Variants in TMX3 observed in about 807,000 individuals in gnomAD.
The protein encoded by TMX3 is protein disulfide-isomerase TMX3.
A neutral mutation model predicts 64.4 loss-of-function variants in TMX3; 40 were observed. The observed-to-expected ratio is 0.62, with a 90% CI of 0.48 to 0.81. The LOEUF is 0.81. Ranked by LOEUF, TMX3 falls within the 30% of genes least tolerant of loss-of-function variation. The pLI is 0.00. For synonymous variants in TMX3, 189 were observed against 175.7 expected, an observed-to-expected ratio of 1.08 and a Z score of -0.60; for missense variants, 497 against 534.5, an observed-to-expected ratio of 0.93 and a Z score of 0.69.
chr18:68,703,757 C>A (rs1388455093), intron 4 of TMX3, among the ~76,000 whole-genome samples: 1 of 152,058 alleles, frequency 6.6e-6, no homozygotes, highest in East Asian at 1.9e-4. Flanking sequence ...GGTGAAACCC[C>A]GTCTCTACTA....
chr18:68,689,562 A>C (rs1914313522), intron 9 of TMX3: 1 of 152,160 alleles, frequency 6.6e-6, no homozygotes, highest in Non-Finnish European at 1.5e-5. Context: ...TGGTAAGAAT[A>C]GTGATTTTAA....
In TMX3 at chr18:68,691,309, T is replaced by A. The variant is rs542053487; in HGVS notation, c.623A>T (p.Tyr208Phe). 5 of 1,585,154 alleles carry A rather than the reference T, an allele frequency of 3.2e-6. No homozygotes were observed. The South Asian group carries it at 4.6e-5, about 15-fold the overall frequency. The change falls in exon 9 of 16, where the codon TAC (tyrosine) becomes TTC (phenylalanine). Residue 208 changes from tyrosine (Y) to phenylalanine (F), a missense_variant. Physicochemically the swap from Tyr to Phe is conservative, Grantham distance 22 (BLOSUM62 3). Coordinates refer to ENST00000299608, the MANE Select transcript of TMX3 (RefSeq NM_019022.5). ...TTGGAACTTACCATCATAAACAAAG[T>A]AAGTTTCATCTTTGAAAACAAGCAC... Reference protein sequence around the residue: ...PAVLVFKDETYFVYDEYEDGD... With the variant: ...PAVLVFKDETFFVYDEYEDGD...
At chr18:68,689,866 G>C (rs377209345) in intron 9 of TMX3, 43 of 152,028 alleles carry the variant, frequency 2.8e-4, no homozygotes, top group African/African-American at 9.9e-4. Flanking sequence ...TGTAATCCTG[G>C]GGTATTAATC....
intron 13 of TMX3, among the ~76,000 whole-genome samples, chr18:68,682,058 G>A (rs532754422): frequency 3.1e-4 from 47 of 152,296 alleles, no homozygotes; most frequent in African/African-American, 1.1e-3. Context: ...TGCAGGTGGC[G>A]GGGTGGGGAA....
At chr18:68,684,278 T>C (rs1167688480) in intron 11 of TMX3, 35 bp from the exon 12 acceptor site, 2 of 1,572,368 alleles carry the variant, frequency 1.3e-6, no homozygotes, top group Admixed American at 1.8e-5. Flanking sequence ...AGTTCATCTC[T>C]GCACTTGAAA....
chr18:68,710,257 A>C (rs1425880269), intron 3 of TMX3, 113 bp from the exon 4 acceptor site: 1 of 987,656 alleles, frequency 1.0e-6, no homozygotes, highest in Non-Finnish European at 1.4e-6. Flanking sequence ...TGATCTAATA[A>C]TGTTTTAGAC....
At chr18:68,689,344 A>AT (rs1409459557) in intron 9 of TMX3, among the ~76,000 whole-genome samples, 3 of 151,804 alleles carry the variant, frequency 2.0e-5, no homozygotes, top group African/African-American at 7.3e-5. Flanking sequence ...CAAAAACCTG[A>AT]TATCTGTTTA....
At chr18:68,703,878 T>G (rs2030384017) in intron 4 of TMX3, among the ~76,000 whole-genome samples, 1 of 152,066 alleles carries the variant, frequency 6.6e-6, no homozygotes, top group East Asian at 1.9e-4. Flanking sequence ...TACAGTGAGC[T>G]GAGATGGAGC....
chr18:68,682,822 A>T (rs1913566186), intron 13 of TMX3, 103 bp downstream of exon 13: 2 of 912,794 alleles, frequency 2.2e-6, no homozygotes, highest in Admixed American at 2.4e-5. Flanking sequence ...GAATATGTCA[A>T]CTGTTTGCTA....
At chr18:68,692,512 G>A (rs945225062) in intron 8 of TMX3, among the ~76,000 whole-genome samples, 2 of 151,878 alleles carry the variant, frequency 1.3e-5, no homozygotes, top group African/African-American at 2.4e-5. Context: ...CATCTCCTGG[G>A]GTTTTCATAA....
At chr18:68,713,278 A>G (rs2031471940) in intron 2 of TMX3, among the ~76,000 whole-genome samples, 1 of 152,216 alleles carries the variant, frequency 6.6e-6, no homozygotes, top group Admixed American at 6.5e-5. Context: ...GCTGCTAAAC[A>G]GAGACCACTG....
Position 68,673,929 on chromosome 18 carries a change from T to A in TMX3, c.*3004A>T, listed in dbSNP as rs943802086. ...AATTGATAGTCTTAATATCCTACAC[T>A]GGTTTATTTGATCATTTAATGCATA... On this transcript the variant is annotated 3_prime_UTR_variant, in exon 16 of 16. Transcript: ENST00000299608. The A allele has an allele frequency of 6.6e-6, 1 of 152,188 alleles. No individual in the cohort carries two copies. Among genetic ancestry groups the A allele is most frequent in the African/African-American group, 2.4e-5 (1 of 41,452 alleles). The allele number at this position is 152,188 out of a possible 1,614,324, so 9.4% of individuals were successfully genotyped here.
At chr18:68,691,991 A>C (rs893908351) in intron 8 of TMX3, among the ~76,000 whole-genome samples, 1 of 152,226 alleles carries the variant, frequency 6.6e-6, no homozygotes, top group Non-Finnish European at 1.5e-5. Context: ...AAATAATGAC[A>C]AATAAGTAAA....
intron 8 of TMX3, among the ~76,000 whole-genome samples, chr18:68,692,301 G>A (rs1877709588): frequency 1.3e-5 from 2 of 152,064 alleles, no homozygotes; most frequent in Admixed American, 1.3e-4. Flanking sequence ...TCCCTGAATA[G>A]TTCTTACTAG....
At chr18:68,700,562 T>C in intron 5 of TMX3, 77 bp from the exon 6 acceptor site, 1 of 1,141,596 alleles carries the variant, frequency 8.8e-7, no homozygotes, top group Non-Finnish European at 1.2e-6. Flanking sequence ...TATCTATTGT[T>C]TCATAAAATT....
intron 8 of TMX3, among the ~76,000 whole-genome samples, chr18:68,694,076 T>G (rs1360053547): frequency 6.6e-6 from 1 of 152,134 alleles, no homozygotes; most frequent in East Asian, 1.9e-4. Flanking sequence ...CCTCCAGTTG[T>G]CCATGTACCT....
intron 6 of TMX3, among the ~76,000 whole-genome samples, chr18:68,698,877 C>CCGGGCGTGGTAG (rs1555688719): frequency 1.3e-4 from 4 of 31,596 alleles, no homozygotes; most frequent in Admixed American, 4.5e-4. Context: ...AAAAAATTAG[C>CCGGGCGTGGTAG]CGGGCGTGGT....
chr18:68,684,233 T>C lies in TMX3; in HGVS notation c.805A>G (p.Ile269Val), dbSNP rs769725162. 1.9e-5 allele frequency: 31 copies of C among 1,611,786 alleles called. No homozygotes were observed. The Admixed American group carries it at 3.5e-4, about 18-fold the overall frequency. Residue 269 changes from isoleucine (I) to valine (V), a missense_variant, in exon 12 of 16, where the codon ATT becomes GTT. Transcript: ENST00000299608. ...TAATCTCTTGCAACTTCCTGAATAA[T>C]TGACTTCAATCTGTAGAAGAACAAA... is the stretch of plus-strand genomic sequence containing the variant. ...TSVEHTRLKS[I>V]IQEVARDYRD...
chr18:68,697,348 G>A, intron 7 of TMX3, 45 bp from the exon 8 acceptor site: 1 of 1,169,142 alleles, frequency 8.6e-7, no homozygotes, highest in Non-Finnish European at 1.2e-6. Flanking sequence ...AAATATTAAA[G>A]GCCAAAATTC....
Sources: gnomAD v4.1 joint callset for allele counts (sites outside exome capture counted in the v4.1 genomes callset) on GRCh38, gnomAD v4.1.1 for gene constraint, MANE v1.5 for transcripts, NCBI Gene and HGNC (gene_info 2026-07-23, HGNC 2026-07-21) for gene names.